The following COL4A5 variants were observed in gnomAD, a reference collection of about 807,000 sequenced individuals.
COL4A5 encodes collagen type IV alpha 5 chain, also known as collagen alpha-5(IV) chain.
Under a neutral mutation model 130.2 loss-of-function variants are expected in COL4A5, and 26 were observed. The observed-to-expected ratio is 0.20, with a 90% CI of 0.15 to 0.28. COL4A5 has a LOEUF of 0.28. Among genes scored for constraint, COL4A5 ranks in the 10% least tolerant of loss-of-function variants. The pLI is 1.00. For synonymous variants in COL4A5, 496 were observed against 439.6 expected (o/e 1.13, Z -1.60); for missense variants, 1,131 against 1,344.3 (o/e 0.84, Z 2.48).
chrX:108,457,454 C>T (rs2064595220), intron 1 of COL4A5, among the ~76,000 whole-genome samples: 1 of 111,678 alleles, frequency 9.0e-6, no homozygotes, highest in Non-Finnish European at 1.9e-5. Context: ...ATAAATGAAT[C>T]ACATCTCTAC....
chrX:108,582,741 C>A, intron 16 of COL4A5, 143 bp from the exon 17 acceptor site: 1 of 397,591 alleles, frequency 2.5e-6, no homozygotes, highest in Admixed American at 3.6e-5. Context: ...TGAATTGCTG[C>A]AAGCTTTGGT....
chrX:108,601,378 T>A lies in COL4A5; in HGVS notation c.1949-15T>A. ...AAATACTTCTCATTTACCATTGATTTACTCTTGCTTTCAGGTCCTAAAGGG... is the reference window on the plus strand; with the variant it reads ...AAATACTTCTCATTTACCATTGATTAACTCTTGCTTTCAGGTCCTAAAGGG... On this transcript the variant is annotated splice_polypyrimidine_tract_variant and intron_variant, in intron 25 of 52. Coordinates refer to ENST00000328300, the MANE Select transcript of COL4A5 (RefSeq NM_033380.3). 1 of 1,151,799 alleles carries A rather than the reference T, an allele frequency of 8.7e-7. No homozygotes were observed. The highest frequency in any genetic ancestry group is 1.2e-6 in the Non-Finnish European group (1 of 842,571). The allele number at this position is 1,151,799 out of a possible 1,213,427, so 94.9% of individuals were successfully genotyped here.
chrX:108,515,128 A>G (rs57812437), intron 1 of COL4A5, among the ~76,000 whole-genome samples: 10,329 of 111,280 alleles, frequency 0.093, 1,086 homozygotes, highest in African/African-American at 0.31. Context: ...TTATTTCTCC[A>G]TTTGTTCCAG....
chrX:108,449,854 A>G (rs188231458), intron 1 of COL4A5, among the ~76,000 whole-genome samples: 3 of 112,245 alleles, frequency 2.7e-5, no homozygotes, highest in Non-Finnish European at 5.6e-5. Context: ...TCCTAATGCC[A>G]TCACCTTGAA....
At chrX:108,603,811 G>A (rs2066684442) in intron 28 of COL4A5, among the ~76,000 whole-genome samples, 2 of 112,137 alleles carry the variant, frequency 1.8e-5, no homozygotes, top group South Asian at 7.4e-4. Context: ...CTCAGACCCT[G>A]CTGCTGCTTT....
intron 30 of COL4A5, among the ~76,000 whole-genome samples, chrX:108,619,183 C>A (rs779920719): frequency 3.6e-5 from 4 of 111,732 alleles, no homozygotes; most frequent in Non-Finnish European, 5.6e-5. Context: ...ATTCTCTAAT[C>A]TTCAAAGTGG....
intron 51 of COL4A5, 143 bp from the exon 52 acceptor site, chrX:108,695,124 T>G (rs1359266308): frequency 1.3e-6 from 1 of 792,557 alleles, no homozygotes; most frequent in Non-Finnish European, 1.9e-6. Context: ...TTGACTACCC[T>G]TGGTGTGGAT....
intron 2 of COL4A5, among the ~76,000 whole-genome samples, chrX:108,558,093 G>A (rs1485853728): frequency 1.6e-5 from 1 of 63,355 alleles, no homozygotes; most frequent in Non-Finnish European, 2.7e-5. Context: ...CCCCACAACA[G>A]GCCCCGGTGT....
chrX:108,598,797 C>T lies in COL4A5; in HGVS notation c.1875C>T (p.Phe625=), dbSNP rs1239337307. The change falls in exon 25 of 53, where the codon TTC becomes TTT. Residue 625 remains phenylalanine (F), a synonymous_variant. Coordinates refer to ENST00000328300, the MANE Select transcript of COL4A5 (RefSeq NM_033380.3). ...TAGGGCCTATGGGTCCCCCTGGTTTCGGCCCTCCAGGCCCAGTAGGTGAAA... is the reference window on the plus strand; with the variant it reads ...TAGGGCCTATGGGTCCCCCTGGTTTTGGCCCTCCAGGCCCAGTAGGTGAAA... The part of the protein sequence containing the change: ...GNIGPMGPPG[F]GPPGPVGEKG... 4 of 1,209,648 alleles carry T rather than the reference C, an allele frequency of 3.3e-6. No individual in the cohort carries two copies. The highest frequency in any genetic ancestry group is 2.4e-4 in the Middle Eastern group (1 of 4,153).
chrX:108,534,456 G>A (rs1459222560), intron 1 of COL4A5, among the ~76,000 whole-genome samples: 1 of 111,397 alleles, frequency 9.0e-6, no homozygotes, highest in African/African-American at 3.3e-5. Flanking sequence ...GGAACTCGAT[G>A]TCATTCTCTT....
At chrX:108,559,174 C>T (rs2065869322) in intron 3 of COL4A5, 21 bp downstream of exon 3, 1 of 1,101,627 alleles carries the variant, frequency 9.1e-7, no homozygotes, top group Non-Finnish European at 1.3e-6. Context: ...TGTTGCCAAC[C>T]AGTAATGCCA....
chrX:108,475,429 G>A (rs1226179865), intron 1 of COL4A5, among the ~76,000 whole-genome samples: 1 of 110,967 alleles, frequency 9.0e-6, no homozygotes, highest in Non-Finnish European at 1.9e-5. Context: ...TTTGTTTTCC[G>A]TGCCTTGTTA....
chrX:108,448,392 A>G (rs1215684248), intron 1 of COL4A5, among the ~76,000 whole-genome samples: 1 of 112,107 alleles, frequency 8.9e-6, no homozygotes, highest in Non-Finnish European at 1.9e-5. Flanking sequence ...GCTATAATTC[A>G]ATCAAATAAT....
Position 108,666,446 on chromosome X carries a change from G to A in COL4A5, c.3455-50G>A. 5 of 964,161 alleles carry A rather than the reference G, an allele frequency of 5.2e-6. No individual in the cohort carries two copies. The South Asian group carries it at 1.0e-4, about 20-fold the overall frequency. The allele number at this position is 964,161 out of a possible 1,213,427, so 79.5% of individuals were successfully genotyped here. On this transcript the variant is annotated intron_variant, in intron 38 of 52. Transcript: ENST00000328300. Reference sequence around the variant, plus strand: ...GAAGGGAGCATATGGAAGTAAAAGGGAGTTGGAAATTGGAAAACTGGGTGT... The same window carrying A: ...GAAGGGAGCATATGGAAGTAAAAGGAAGTTGGAAATTGGAAAACTGGGTGT...
At position 108,657,177 on chromosome X, in the gene COL4A5, G is replaced by T. The variant is rs537413112; in HGVS notation, c.3373+1720G>T. 7.2e-5 allele frequency among the ~76,000 whole-genome samples: 8 copies of T among 111,192 alleles called. No individual in the cohort carries two copies. In the Admixed American group the frequency reaches 7.7e-4, roughly 11 times the overall value. On this transcript the variant is annotated intron_variant, in intron 37 of 52. Transcript: ENST00000328300. ...TATCTCAAATAAAAATATTTTTACA[G>T]TGTGAGGTAGGGGTCAAGGTTCATT...
At chrX:108,629,109 G>A (rs1241112400) in intron 36 of COL4A5, among the ~76,000 whole-genome samples, 2 of 111,532 alleles carry the variant, frequency 1.8e-5, no homozygotes, top group Non-Finnish European at 3.8e-5. Context: ...AAACCCTGAG[G>A]TGTGAGCATA....
At chrX:108,492,118 G>A (rs998203845) in intron 1 of COL4A5, among the ~76,000 whole-genome samples, 3 of 111,483 alleles carry the variant, frequency 2.7e-5, no homozygotes, top group Non-Finnish European at 5.7e-5. Flanking sequence ...ACCTGAGAAC[G>A]CCCTAAGCTT....
rs188242390 is a variant in COL4A5 at position 108,544,116 on chromosome X, A to T, written c.141+4311A>T. On this transcript the variant is annotated intron_variant, in intron 2 of 52. Coordinates refer to ENST00000328300, the MANE Select transcript of COL4A5 (RefSeq NM_033380.3). ...ACTCTTTATTTCTTTCTCCTGCCTG[A>T]TTGCCCTGGCCAGAACTTCCAACAC... Among the ~76,000 whole-genome samples, 10 of 111,678 alleles carry T rather than the reference A, an allele frequency of 9.0e-5. No individual in the cohort carries two copies. In the East Asian group the frequency reaches 2.8e-3, roughly 31 times the overall value.
intron 1 of COL4A5, among the ~76,000 whole-genome samples, chrX:108,510,488 T>C (rs2065169982): frequency 9.0e-6 from 1 of 110,726 alleles, no homozygotes; most frequent in South Asian, 4.0e-4. Context: ...TTGTGCTTTT[T>C]AAGGCCAGAA....
Sources: gnomAD v4.1 joint callset for allele counts (sites outside exome capture counted in the v4.1 genomes callset) on GRCh38, gnomAD v4.1.1 for gene constraint, MANE v1.5 for transcripts, NCBI Gene and HGNC (gene_info 2026-07-23, HGNC 2026-07-21) for gene names.